The following CYB5A variants were observed in gnomAD, a reference collection of about 807,000 sequenced individuals.
CYB5A encodes the protein cytochrome b5 type A.
In CYB5A, 10 loss-of-function variants were observed where a neutral mutation model predicts 16.2. The observed-to-expected ratio is 0.62, with a 90% CI of 0.38 to 1.04. The LOEUF is 1.04. CYB5A is among the 50% of genes least tolerant of loss of function. The pLI is 0.01. For missense variants in CYB5A, 161 were observed against 165.9 expected, an observed-to-expected ratio of 0.97 and a Z score of 0.16; for synonymous variants, 62 against 57.0, an observed-to-expected ratio of 1.09 and a Z score of -0.40.
intron 1 of CYB5A, among the ~76,000 whole-genome samples, chr18:74,268,967 C>A (rs1204096154): frequency 6.6e-6 from 1 of 152,128 alleles, no homozygotes; most frequent in Non-Finnish European, 1.5e-5. Flanking sequence ...CAGATACAAC[C>A]CAGGGAATAC....
intron 1 of CYB5A, among the ~76,000 whole-genome samples, chr18:74,269,303 C>A (rs573241972): frequency 1.7e-5 from 2 of 120,194 alleles, no homozygotes. Context: ...GAACAGGCTG[C>A]GCTTGTGTTC....
In CYB5A at chr18:74,253,579, G is replaced by A; in HGVS notation, c.*5C>T. 1 of 1,604,844 alleles carries A rather than the reference G, an allele frequency of 6.2e-7. No homozygotes were observed. Among genetic ancestry groups the A allele is most frequent in the Non-Finnish European group, 8.5e-7 (1 of 1,172,026 alleles). On this transcript the variant is annotated 3_prime_UTR_variant, in exon 5 of 5. Coordinates refer to ENST00000340533, the MANE Select transcript of CYB5A (RefSeq NM_148923.4). Reference sequence around the variant, plus strand: ...CTCTTCCTGCGCTGACTTCTGAGGAGGTGTTCAGTCCTCTGCCATGTATAG... The same window carrying A: ...CTCTTCCTGCGCTGACTTCTGAGGAAGTGTTCAGTCCTCTGCCATGTATAG...
intron 1 of CYB5A, among the ~76,000 whole-genome samples, chr18:74,280,571 C>T (rs1983057563): frequency 7.0e-6 from 1 of 143,744 alleles, no homozygotes; most frequent in East Asian, 2.1e-4. Context: ...GAGTAAGACC[C>T]TGTCTCAAAA....
Position 74,256,825 on chromosome 18 carries a change from C to A in CYB5A, c.289-1050G>T, listed in dbSNP as rs377153930. 16 of 1,613,796 alleles carry A rather than the reference C, an allele frequency of 9.9e-6. No individual in the cohort carries two copies. The African/African-American group carries it at 2.0e-4, about 20-fold the overall frequency. On this transcript the variant is annotated intron_variant, in intron 3 of 4. Coordinates refer to ENST00000340533, the MANE Select transcript of CYB5A (RefSeq NM_148923.4). ...GCAAGCAAAGCAGTTATGAGACCCA[C>A]CAACCTTGAAACACCGCCTTTAAGG...
chr18:74,285,708 A>C (rs1041679784), intron 1 of CYB5A, among the ~76,000 whole-genome samples: 2 of 152,198 alleles, frequency 1.3e-5, no homozygotes, highest in East Asian at 3.9e-4. Flanking sequence ...AAAAAATACA[A>C]AAATTAGCTG....
intron 1 of CYB5A, among the ~76,000 whole-genome samples, chr18:74,271,693 T>C (rs1294950478): frequency 6.6e-6 from 1 of 152,058 alleles, no homozygotes; most frequent in Non-Finnish European, 1.5e-5. Context: ...GTGAGATCAC[T>C]TAAGATGTAT....
At chr18:74,280,408 A>C (rs557573774) in intron 1 of CYB5A, among the ~76,000 whole-genome samples, 44 of 115,244 alleles carry the variant, frequency 3.8e-4, no homozygotes, top group African/African-American at 1.6e-3. Context: ...CTGTCTCTAC[A>C]AAAAAAAAAA....
At chr18:74,269,661 C>G (rs1446056685) in intron 1 of CYB5A, among the ~76,000 whole-genome samples, 1 of 152,158 alleles carries the variant, frequency 6.6e-6, no homozygotes, top group South Asian at 2.1e-4. Flanking sequence ...TTGCTGCAGC[C>G]AAAAGCCTAG....
intron 1 of CYB5A, among the ~76,000 whole-genome samples, chr18:74,275,650 C>T (rs1372915701): frequency 6.6e-6 from 1 of 152,168 alleles, no homozygotes; most frequent in African/African-American, 2.4e-5. Flanking sequence ...CTCACGAATA[C>T]ACAGTCCGAG....
intron 1 of CYB5A, among the ~76,000 whole-genome samples, chr18:74,273,102 C>T (rs1982733723): frequency 6.6e-6 from 1 of 152,262 alleles, no homozygotes; most frequent in South Asian, 2.1e-4. Context: ...AATACGTACA[C>T]ACAAAAATGA....
intron 2 of CYB5A, among the ~76,000 whole-genome samples, chr18:74,261,966 C>G (rs756960458): frequency 9.2e-5 from 14 of 152,172 alleles, no homozygotes; most frequent in Non-Finnish European, 1.3e-4. Flanking sequence ...CCAGGCACTC[C>G]CAGAGGTGGA....
chr18:74,271,894 G>A (rs1285075292), intron 1 of CYB5A, among the ~76,000 whole-genome samples: 1 of 152,198 alleles, frequency 6.6e-6, no homozygotes, highest in Non-Finnish European at 1.5e-5. Flanking sequence ...AGTCTCCTAT[G>A]ACTCTGTGGC....
chr18:74,257,722 G>C (rs1443205775), intron 3 of CYB5A: 1 of 152,410 alleles, frequency 6.6e-6, no homozygotes, highest in Non-Finnish European at 1.5e-5. Flanking sequence ...TTCGAGACCA[G>C]TCTGGGCAAC....
At chr18:74,286,528 A>C (rs1157417658) in intron 1 of CYB5A, among the ~76,000 whole-genome samples, 1 of 152,216 alleles carries the variant, frequency 6.6e-6, no homozygotes, top group Non-Finnish European at 1.5e-5. Context: ...GTGTTCTCAC[A>C]TATATCATTT....
rs147693625 is a variant in CYB5A, at chr18:74,280,278, T to A, written c.129+11469A>T. On this transcript the variant is annotated intron_variant, in intron 1 of 4. Transcript: ENST00000340533. ...CTAAGTCACCTTAAAAAGTTTCACATGTCGGCCAGGTGCAGTGGCTCATGC... is the reference window on the plus strand; with the variant it reads ...CTAAGTCACCTTAAAAAGTTTCACAAGTCGGCCAGGTGCAGTGGCTCATGC... Among the ~76,000 whole-genome samples the A allele has an allele frequency of 5.0e-3, 756 of 152,234 alleles. 5 individuals are homozygous for A. The highest frequency in any genetic ancestry group is 0.016 in the African/African-American group (685 of 41,526).
At chr18:74,291,549 T>TG (rs1318540785) in intron 1 of CYB5A, among the ~76,000 whole-genome samples, 198 bp downstream of exon 1, 1 of 121,398 alleles carries the variant, frequency 8.2e-6, no homozygotes, top group South Asian at 3.0e-4. Context: ...CTTGGGGCGG[T>TG]GGGGGGCGCC....
At chr18:74,260,627 A>C in intron 3 of CYB5A, 1 of 462,180 alleles carries the variant, frequency 2.2e-6, no homozygotes, top group Non-Finnish European at 4.1e-6. Flanking sequence ...GATCAGAAGC[A>C]CGTGCTACCA....
chr18:74,256,007 A>G (rs746737847), intron 3 of CYB5A: 12 of 511,676 alleles, frequency 2.3e-5, no homozygotes, highest in Non-Finnish European at 3.9e-5. Flanking sequence ...TCAATAATTT[A>G]AAAACATTCA....
intron 1 of CYB5A, among the ~76,000 whole-genome samples, chr18:74,281,724 G>T (rs1311653696): frequency 1.4e-5 from 2 of 142,748 alleles, no homozygotes; most frequent in Non-Finnish European, 3.1e-5. Context: ...CCTGGAGGGG[G>T]CAGAAGAGTC....
Sources: gnomAD v4.1 joint callset for allele counts (sites outside exome capture counted in the v4.1 genomes callset) on GRCh38, gnomAD v4.1.1 for gene constraint, MANE v1.5 for transcripts, NCBI Gene and HGNC (gene_info 2026-07-23, HGNC 2026-07-21) for gene names.